TP63: variants seen among roughly 807,000 people sequenced by gnomAD.
TP63 encodes tumor protein 63.
Under a neutral mutation model 82.8 loss-of-function variants are expected in TP63, and 17 were observed. The ratio of observed to expected loss-of-function variants is 0.21; its 90% confidence interval spans 0.14 to 0.31. The LOEUF is 0.31. Among genes scored for constraint, TP63 ranks in the 10% least tolerant of loss-of-function variants. TP63 has a pLI of 1.00. For synonymous variants in TP63, 330 were observed against 321.7 expected (o/e 1.03, Z -0.28); for missense variants, 648 against 895.3 (o/e 0.72, Z 3.52).
At chr3:189,632,391 T>G (rs547714145) in intron 1 of TP63, among the ~76,000 whole-genome samples, 57 of 152,250 alleles carry the variant, frequency 3.7e-4, no homozygotes, top group African/African-American at 1.3e-3. Flanking sequence ...TTACCACCTG[T>G]GTCTGTTGGA....
intron 1 of TP63, among the ~76,000 whole-genome samples, chr3:189,695,398 A>G (rs752557847): frequency 1.1e-4 from 17 of 152,016 alleles, no homozygotes; most frequent in Non-Finnish European, 2.1e-4. Flanking sequence ...GTGCTACAAG[A>G]TGTTTCAGGC....
intron 1 of TP63, among the ~76,000 whole-genome samples, chr3:189,731,447 T>C (rs769411800): frequency 2.6e-5 from 4 of 152,204 alleles, no homozygotes; most frequent in Non-Finnish European, 4.4e-5. Flanking sequence ...TCTGTTAAAT[T>C]AGAAAAACTA....
At chr3:189,690,934 G>A (rs1716864489) in intron 1 of TP63, among the ~76,000 whole-genome samples, 1 of 152,106 alleles carries the variant, frequency 6.6e-6, no homozygotes, top group African/African-American at 2.4e-5. Context: ...ATAGAAAACT[G>A]GAGTTGTCAC....
At position 189,737,892 on chromosome 3, in the gene TP63, T is replaced by C. The variant is rs34875865; in HGVS notation, c.191+24T>C. The C allele has an allele frequency of 0.05, 79,941 of 1,613,296 alleles. 2,544 individuals are homozygous for C. The highest frequency in any genetic ancestry group is 0.06 in the Non-Finnish European group (70,538 of 1,179,460). On this transcript the variant is annotated intron_variant, in intron 2 of 13. Coordinates refer to ENST00000264731, the MANE Select transcript of TP63 (RefSeq NM_003722.5). ...CAGTAAGTATAAAACAAGCAAGAAA[T>C]GTTTTGCTTGAGCTAAATAGGTAAA...
chr3:189,870,248 G>A (rs1718252439), intron 9 of TP63, among the ~76,000 whole-genome samples: 1 of 152,158 alleles, frequency 6.6e-6, no homozygotes, highest in African/African-American at 2.4e-5. Flanking sequence ...CTGAATTACA[G>A]TCAGCCCTCC....
At position 189,869,308 on chromosome 3, in the gene TP63, A is replaced by G. The variant is rs1214294639; in HGVS notation, c.1130-16A>G. 4 of 1,613,462 alleles carry G rather than the reference A, an allele frequency of 2.5e-6. No homozygotes were observed. The highest frequency in any genetic ancestry group is 3.3e-5 in the Admixed American group (2 of 60,000). Reference sequence around the variant, plus strand: ...GAAGTGTTCCCAGGATGAAACTTGCATTTTTCCTCCACCAGCGTTTCGTCA... The same window carrying G: ...GAAGTGTTCCCAGGATGAAACTTGCGTTTTTCCTCCACCAGCGTTTCGTCA... On this transcript the variant is annotated splice_polypyrimidine_tract_variant and intron_variant, in intron 8 of 13. Coordinates refer to ENST00000264731, the MANE Select transcript of TP63 (RefSeq NM_003722.5).
At chr3:189,781,249 A>G (rs1005562624) in intron 3 of TP63, among the ~76,000 whole-genome samples, 12 of 152,202 alleles carry the variant, frequency 7.9e-5, no homozygotes, top group African/African-American at 1.4e-4. Flanking sequence ...TTTAAGGGTA[A>G]TGTAATCCTG....
At chr3:189,762,654 A>G (rs1247522638) in intron 3 of TP63, among the ~76,000 whole-genome samples, 3 of 152,202 alleles carry the variant, frequency 2.0e-5, no homozygotes, top group Non-Finnish European at 4.4e-5. Flanking sequence ...GTAAGATGTT[A>G]AATGCATTCT....
intron 4 of TP63, among the ~76,000 whole-genome samples, chr3:189,844,608 A>T (rs74419743): frequency 0.033 from 5,070 of 152,230 alleles, 114 homozygotes; most frequent in Non-Finnish European, 0.053. Flanking sequence ...TACATTTTTT[A>T]AAAAATAATA....
At chr3:189,629,656 C>T (rs1460733931), upstream of TP63, among the ~76,000 whole-genome samples, 1 of 152,244 alleles carries the variant, frequency 6.6e-6, no homozygotes, top group South Asian at 2.1e-4. Context: ...AATGCAGAGT[C>T]TTAGGCCTCA....
chr3:189,770,018 T>TTG (rs762189491), intron 3 of TP63, among the ~76,000 whole-genome samples: 49 of 152,344 alleles, frequency 3.2e-4, no homozygotes, highest in Non-Finnish European at 6.0e-4. Flanking sequence ...TTATACGTTT[T>TTG]TGTGTGTTAA....
At chr3:189,883,170 T>C (rs989950209) in intron 10 of TP63, among the ~76,000 whole-genome samples, 1 of 128,200 alleles carries the variant, frequency 7.8e-6, no homozygotes, top group Non-Finnish European at 1.7e-5. Flanking sequence ...AGAACTATTG[T>C]ATTAAATTTG....
chr3:189,683,388 A>T (rs987633279), intron 1 of TP63, among the ~76,000 whole-genome samples: 1 of 152,194 alleles, frequency 6.6e-6, no homozygotes, highest in Non-Finnish European at 1.5e-5. Context: ...AGCCACATGC[A>T]TTTCACTTTG....
chr3:189,622,805 C>A, the TP63 span, among the ~76,000 whole-genome samples: 1 of 152,114 alleles, frequency 6.6e-6, no homozygotes, highest in African/African-American at 2.4e-5. Flanking sequence ...AGCTTCCTCA[C>A]ACATGAAATG....
At chr3:189,873,241 A>C (rs1375161072) in intron 10 of TP63, 2 of 570,778 alleles carry the variant, frequency 3.5e-6, no homozygotes, top group Non-Finnish European at 6.3e-6. Flanking sequence ...TGAATTACAA[A>C]GAAACTCACA....
intron 3 of TP63, among the ~76,000 whole-genome samples, chr3:189,753,056 G>A (rs1310440957): frequency 1.3e-5 from 2 of 152,066 alleles, no homozygotes; most frequent in Admixed American, 1.3e-4. Flanking sequence ...TGTTTCTAGA[G>A]TCATGATATT....
Position 189,869,352 on chromosome 3 carries a change from G to C in TP63, c.1158G>C (p.Gln386His), listed in dbSNP as rs2108809322. ...RPFRQNTHGI[Q>H]MTSIKKRRSP... ...TTCGTCAGAACACACATGGTATCCA[G>C]ATGACATCCATCAAGAAACGAAGAT... is the stretch of plus-strand genomic sequence containing the variant. The change falls in exon 9 of 14, where the codon CAG (glutamine) becomes CAC (histidine). Residue 386 changes from glutamine (Q) to histidine (H), a missense_variant. Coordinates refer to ENST00000264731, the MANE Select transcript of TP63 (RefSeq NM_003722.5). The C allele has an allele frequency of 6.2e-7, 1 of 1,614,082 alleles. No homozygotes were observed. Among genetic ancestry groups the C allele is most frequent in the South Asian group, 1.1e-5 (1 of 91,080 alleles).
In TP63 at chr3:189,839,898, C is replaced by A. The variant is rs190087305; in HGVS notation, c.580-24334C>A. ...CCTGTACAGGGGAGGAGCAAGGGTG[C>A]TGCAGTGAGGGGATCTGGAGTTGAA... is the stretch of plus-strand genomic sequence containing the variant. On this transcript the variant is annotated intron_variant, in intron 4 of 13. Coordinates refer to ENST00000264731, the MANE Select transcript of TP63 (RefSeq NM_003722.5). 3.7e-3 allele frequency among the ~76,000 whole-genome samples: 560 copies of A among 152,266 alleles called. 10 individuals are homozygous for A. The highest frequency in any genetic ancestry group is 0.033 in the Admixed American group (502 of 15,294).
the TP63 span, among the ~76,000 whole-genome samples, chr3:189,606,614 A>G: frequency 6.8e-6 from 1 of 147,200 alleles, no homozygotes; most frequent in Non-Finnish European, 1.5e-5. Flanking sequence ...CCCAGGTTGA[A>G]GCAATTATCG....
Sources: gnomAD v4.1 joint callset for allele counts (sites outside exome capture counted in the v4.1 genomes callset) on GRCh38, gnomAD v4.1.1 for gene constraint, MANE v1.5 for transcripts, NCBI Gene and HGNC (gene_info 2026-07-23, HGNC 2026-07-21) for gene names.